ATP9B: variants seen among roughly 807,000 people sequenced by gnomAD.
The protein encoded by ATP9B is ATPase phospholipid transporting 9B.
Under a neutral mutation model 146.1 loss-of-function variants are expected in ATP9B, and 110 were observed. The observed-to-expected ratio is 0.75, with a 90% CI of 0.65 to 0.88. ATP9B has a LOEUF of 0.88. Ranked by LOEUF, ATP9B falls within the 40% of genes least tolerant of loss-of-function variation. The probability of loss-of-function intolerance (pLI) is 0.00; values close to 1 mark genes in which losing one functional copy is unlikely to be tolerated. For synonymous variants in ATP9B, 604 were observed against 569.7 expected (o/e 1.06, Z -0.86); for missense variants, 1,499 against 1,496.4 (o/e 1.00, Z -0.03).
At chr18:79,219,731 G>A (rs1225589692) in intron 11 of ATP9B, among the ~76,000 whole-genome samples, 1 of 151,578 alleles carries the variant, frequency 6.6e-6, no homozygotes, top group Admixed American at 6.6e-5. Flanking sequence ...CTTCATTACA[G>A]TGTGTATAGC....
intron 15 of ATP9B, among the ~76,000 whole-genome samples, chr18:79,327,520 CGTGCTCTCCGT>C (rs2096756728): frequency 9.9e-6 from 1 of 101,426 alleles, no homozygotes. Context: ...CCATGGTTAG[CGTGCTCTCCGT>C]GGTTAGCGTG....
intron 9 of ATP9B, 123 bp from the exon 10 acceptor site, chr18:79,206,814 G>T: frequency 1.3e-6 from 1 of 799,430 alleles, no homozygotes; most frequent in Non-Finnish European, 2.0e-6. Context: ...GTTTTGCAGT[G>T]CCTTTGCACT....
chr18:79,359,446 A>G lies in ATP9B; in HGVS notation c.2996A>G (p.Tyr999Cys), dbSNP rs766045764. 6.2e-7 allele frequency: 1 copy of G among 1,613,774 alleles called. No individual in the cohort carries two copies. Among genetic ancestry groups the G allele is most frequent in the Non-Finnish European group, 8.5e-7 (1 of 1,179,664 alleles). The change falls in exon 26 of 30, where the codon TAC becomes TGC. Residue 999 changes from tyrosine to cysteine, a missense_variant. By Grantham distance (194) the Tyr-to-Cys change is radical (BLOSUM62 -2). Coordinates refer to ENST00000426216, the MANE Select transcript of ATP9B (RefSeq NM_198531.5). ...PEMAMLYPEL[Y>C]KDLTKGRSLS... ...ATGGCGATGCTCTACCCGGAGCTGTACAAGGACCTCACCAAGGTACGGGCC... is the reference window on the plus strand; with the variant it reads ...ATGGCGATGCTCTACCCGGAGCTGTGCAAGGACCTCACCAAGGTACGGGCC...
chr18:79,197,932 G>GT (rs746735110), intron 9 of ATP9B, among the ~76,000 whole-genome samples: 1 of 152,174 alleles, frequency 6.6e-6, no homozygotes, highest in Admixed American at 6.5e-5. Flanking sequence ...AGGACATGTA[G>GT]TTTATTAAGA....
chr18:79,235,203 T>C (rs185014570), intron 11 of ATP9B, among the ~76,000 whole-genome samples: 4 of 152,322 alleles, frequency 2.6e-5, no homozygotes, highest in South Asian at 2.1e-4. Flanking sequence ...CATCAGTCTC[T>C]CATTTTCTGA....
Position 79,336,718 on chromosome 18 carries a change from C to T in ATP9B, c.2112+7C>T, listed in dbSNP as rs374598025. 68 of 1,613,562 alleles carry T rather than the reference C, an allele frequency of 4.2e-5. No homozygotes were observed. The African/African-American group carries it at 7.2e-4, about 17-fold the overall frequency. On this transcript the variant is annotated splice_region_variant and intron_variant, in intron 18 of 29. Coordinates refer to ENST00000426216, the MANE Select transcript of ATP9B (RefSeq NM_198531.5). ...GCAGTACCAGGACTTTGAGGTGAGC[C>T]GACTCCCAGCCATCCCATCCTCCTA...
chr18:79,164,262 T>C (rs2094929893), intron 7 of ATP9B, among the ~76,000 whole-genome samples: 1 of 152,140 alleles, frequency 6.6e-6, no homozygotes, highest in South Asian at 2.1e-4. Context: ...GATGACATTG[T>C]CTCAGATATA....
intron 25 of ATP9B, among the ~76,000 whole-genome samples, chr18:79,350,234 TA>T (rs2096915412): frequency 6.6e-6 from 1 of 152,200 alleles, no homozygotes; most frequent in African/African-American, 2.4e-5. Flanking sequence ...CCTGTGGTCT[TA>T]AAAATCACTT....
chr18:79,308,677 T>A (rs970385848), intron 15 of ATP9B, among the ~76,000 whole-genome samples: 920 of 62,686 alleles, frequency 0.015, 11 homozygotes, highest in Middle Eastern at 0.028. Context: ...TCAGGGGTGG[T>A]GGAGTGATCC....
chr18:79,356,299 A>G (rs2096952517), intron 25 of ATP9B, among the ~76,000 whole-genome samples: 2 of 151,652 alleles, frequency 1.3e-5, no homozygotes, highest in African/African-American at 2.4e-5. Flanking sequence ...CCTAGCACTC[A>G]TGCTCCTGAG....
chr18:79,077,716 G>T (rs1258301766), intron 1 of ATP9B, among the ~76,000 whole-genome samples: 1 of 152,128 alleles, frequency 6.6e-6, no homozygotes, highest in Non-Finnish European at 1.5e-5. Context: ...AAAAACAAGA[G>T]GTTCACAGCA....
At chr18:79,292,425 T>A (rs758909951) in intron 13 of ATP9B, among the ~76,000 whole-genome samples, 2 of 152,200 alleles carry the variant, frequency 1.3e-5, no homozygotes, top group African/African-American at 4.8e-5. Context: ...CATCCAGAGA[T>A]AGAATTAAGA....
chr18:79,336,559 G>A, intron 17 of ATP9B, 69 bp from the exon 18 acceptor site: 1 of 1,435,924 alleles, frequency 7.0e-7, no homozygotes, highest in East Asian at 2.4e-5. Flanking sequence ...GTGTGGCACT[G>A]CCCTGGCCCC....
intron 13 of ATP9B, among the ~76,000 whole-genome samples, chr18:79,283,957 G>A (rs964031866): frequency 1.7e-4 from 26 of 152,102 alleles, no homozygotes; most frequent in Admixed American, 7.9e-4. Flanking sequence ...TGTTAGGGAG[G>A]TTTTATCTTC....
chr18:79,157,396 CAAAAAAAAAAAAAAAAAA>C (rs147316668), intron 7 of ATP9B, among the ~76,000 whole-genome samples: 2 of 48,596 alleles, frequency 4.1e-5, no homozygotes, highest in African/African-American at 2.0e-4. Context: ...AACTCCATCT[CAAAAAAAAAAAAAAAAAA>C]AAAAAAAAAA....
intron 11 of ATP9B, among the ~76,000 whole-genome samples, chr18:79,249,453 A>G (rs1416235592): frequency 6.6e-6 from 1 of 152,242 alleles, no homozygotes; most frequent in African/African-American, 2.4e-5. Context: ...AGGAGATGAC[A>G]ATGAATGTTG....
chr18:79,303,551 G>A (rs990711433), intron 13 of ATP9B, 53 bp from the exon 14 acceptor site: 7 of 1,446,006 alleles, frequency 4.8e-6, no homozygotes, highest in South Asian at 2.3e-5. Context: ...AAAGCTGGGT[G>A]TTCCCGCAGG....
At chr18:79,157,189 C>T (rs1367803829) in intron 7 of ATP9B, among the ~76,000 whole-genome samples, 4 of 147,222 alleles carry the variant, frequency 2.7e-5, no homozygotes, top group East Asian at 4.0e-4. Flanking sequence ...GGCAAAACCC[C>T]GTCTCTACTA....
chr18:79,089,607 G>GA (rs139116798), intron 1 of ATP9B, among the ~76,000 whole-genome samples: 2 of 151,782 alleles, frequency 1.3e-5, no homozygotes, highest in East Asian at 3.9e-4. Flanking sequence ...CCAGTCTTAT[G>GA]AAAAAAAATT....
Sources: allele counts gnomAD v4.1 joint callset (sites outside exome capture counted in the v4.1 genomes callset), GRCh38; gene constraint gnomAD v4.1.1; transcripts MANE v1.5; gene names NCBI Gene and HGNC (gene_info 2026-07-23, HGNC 2026-07-21).